Variants in KHNYN observed in about 807,000 individuals in gnomAD.
The protein encoded by KHNYN is KH and NYN domain containing, also known as protein KHNYN.
KHNYN carries 42 observed loss-of-function variants against 62.7 expected under a neutral mutation model. The observed-to-expected ratio is 0.67, with a 90% CI of 0.52 to 0.87. KHNYN has a LOEUF of 0.87. KHNYN is among the 40% of genes least tolerant of loss of function. The pLI is 0.00. For synonymous variants in KHNYN, 347 were observed against 345.6 expected, an observed-to-expected ratio of 1.00 and a Z score of -0.04; for missense variants, 829 against 874.1, an observed-to-expected ratio of 0.95 and a Z score of 0.65.
the KHNYN span, among the ~76,000 whole-genome samples, chr14:24,423,416 A>C: frequency 6.6e-6 from 1 of 151,620 alleles, no homozygotes; most frequent in Non-Finnish European, 1.5e-5. Flanking sequence ...AGCAGCCTTG[A>C]CAGGAGGAGG....
At chr14:24,429,857 CG>C, upstream of KHNYN, 1 of 1,012,786 alleles carries the variant, frequency 9.9e-7, no homozygotes, top group Non-Finnish European at 1.2e-6. Context: ...GCGGGCCCGT[CG>C]GGGCCTCTGG....
At position 24,431,888 on chromosome 14, in the gene KHNYN, G is replaced by A; in HGVS notation, c.627G>A (p.Trp209Ter). Residue 209 changes from tryptophan (W) to a stop codon, truncating the protein, a stop_gained, in exon 3 of 8, where the codon TGG becomes TGA. Transcript: ENST00000553935. LOFTEE classifies it high-confidence loss of function. The part of the protein sequence containing the change: ...SGQGPGALAS[W>*]EGRSSALLGA... ...AGGGGCCAGGAGCACTGGCTTCTTG[G>A]GAGGGGCGGAGCTCAGCCTTGCTGG... 1 of 1,614,070 alleles carries A rather than the reference G, an allele frequency of 6.2e-7. No homozygotes were observed. The highest frequency in any genetic ancestry group is 8.5e-7 in the Non-Finnish European group (1 of 1,180,034).
In KHNYN at chr14:24,437,947, G is replaced by A. The variant is rs1566503106; in HGVS notation, c.*662G>A. 1 of 152,484 alleles carries A rather than the reference G, an allele frequency of 6.6e-6. No homozygotes were observed. The highest frequency in any genetic ancestry group is 2.1e-4 in the South Asian group (1 of 4,830). 9.4% of individuals were successfully genotyped at this position (152,484 alleles called of 1,614,324 possible). A position where few individuals can be genotyped will look rare whatever the true frequency, so the allele number is the denominator to read the frequency against. On this transcript the variant is annotated 3_prime_UTR_variant, in exon 8 of 8. Transcript: ENST00000553935. This position sits in a 1 kb window ranked among gnomAD's most constrained non-coding sequence, Gnocchi z 5.5. ...GAGGAAAGCCTCTTGGAGGAAAGGT[G>A]CTTGGACCAAGTCTCAGGTGTGTCT...
In KHNYN at chr14:24,441,679, C is replaced by T. The variant is rs1372450040; in HGVS notation, c.*4394C>T. Reference sequence around the variant, plus strand: ...TGGTGATTTGGGGGGCGTACCTACACCTGTGACTAAGACCCAGGCCTTGGG... The same window carrying T: ...TGGTGATTTGGGGGGCGTACCTACATCTGTGACTAAGACCCAGGCCTTGGG... On this transcript the variant is annotated 3_prime_UTR_variant, in exon 8 of 8. Coordinates refer to ENST00000553935, the MANE Select transcript of KHNYN (RefSeq NM_015299.3). 6 of 1,583,564 alleles carry T rather than the reference C, an allele frequency of 3.8e-6. No individual in the cohort carries two copies. In the African/African-American group the frequency reaches 4.1e-5, roughly 11 times the overall value.
At chr14:24,431,024 G>A in intron 2 of KHNYN, 93 bp downstream of exon 2, 1 of 1,228,946 alleles carries the variant, frequency 8.1e-7, no homozygotes. Context: ...GGGAAGAGGA[G>A]GGGCCTGGGG....
chr14:24,436,771 G>A (rs1375536417), intron 7 of KHNYN, among the ~76,000 whole-genome samples: 1 of 152,212 alleles, frequency 6.6e-6, no homozygotes. Context: ...TATTCAGCAT[G>A]CCTTCTGCTG....
intron 5 of KHNYN, 82 bp downstream of exon 5, chr14:24,433,114 G>C: frequency 7.8e-7 from 1 of 1,280,260 alleles, no homozygotes; most frequent in Non-Finnish European, 1.1e-6. Context: ...GCTCCTGGTG[G>C]TTTACGCTGT....
chr14:24,430,695 C>G lies in KHNYN; in HGVS notation c.-17-19C>G. 6.5e-7 allele frequency: 1 copy of G among 1,549,632 alleles called. No individual in the cohort carries two copies. Among genetic ancestry groups the G allele is most frequent in the Non-Finnish European group, 8.7e-7 (1 of 1,146,164 alleles). ...ATGGAGGGTACAATGAGGCTCTGAG[C>G]TGCCTTCTCCCCTTCCAGGGCTGGG... On this transcript the variant is annotated intron_variant, in intron 1 of 7. Transcript: ENST00000553935.
chr14:24,440,337 G>C lies in KHNYN; in HGVS notation c.*3052G>C. On this transcript the variant is annotated 3_prime_UTR_variant, in exon 8 of 8. Coordinates refer to ENST00000553935, the MANE Select transcript of KHNYN (RefSeq NM_015299.3). ...ACTCCATTCAGGACCCCGTGCACGT[G>C]GTTTGCTTCAAGGGCATGGGTCAGG... The C allele has an allele frequency of 6.2e-7, 1 of 1,614,040 alleles. No individual in the cohort carries two copies. The highest frequency in any genetic ancestry group is 8.5e-7 in the Non-Finnish European group (1 of 1,179,900).
upstream of KHNYN, chr14:24,429,621 T>G: frequency 9.4e-7 from 1 of 1,061,186 alleles, no homozygotes. Context: ...CCGCCACGAT[T>G]GCTTTGGTGG....
At position 24,431,486 on chromosome 14, in the gene KHNYN, C is replaced by T; in HGVS notation, c.225C>T (p.Ser75=). The T allele has an allele frequency of 1.3e-6, 2 of 1,587,628 alleles. No homozygotes were observed. The highest frequency in any genetic ancestry group is 1.7e-6 in the Non-Finnish European group (2 of 1,161,144). ...AGGAGTACCTGAAGGGCCTCTGCAG[C>T]CCAGAACTGCAGGATGAAATCCACT... ...RAKEYLKGLC[S]PELQDEIHYP... Residue 75 remains serine, a synonymous_variant, in exon 3 of 8, where the codon AGC becomes AGT. Transcript: ENST00000553935.
intron 2 of KHNYN, 73 bp from the exon 3 acceptor site, chr14:24,431,390 C>T (rs760474526): frequency 1.3e-5 from 16 of 1,238,756 alleles, no homozygotes; most frequent in East Asian, 2.4e-5. Flanking sequence ...AGCTCAGGAG[C>T]GAGCAAGGAG....
chr14:24,431,522 A>C lies in KHNYN; in HGVS notation c.261A>C (p.Lys87Asn), dbSNP rs765594310. ...AGGATGAAATCCACTACCCGCCCAA[A>C]CTGCACTGCATCTTTCTGGGAGCCC... Reference protein sequence around the residue: ...ELQDEIHYPPKLHCIFLGAQG... With the variant: ...ELQDEIHYPPNLHCIFLGAQG... Residue 87 changes from lysine to asparagine, a missense_variant, in exon 3 of 8, where the codon AAA becomes AAC. Lys to Asn is a moderately conservative substitution (Grantham distance 94, BLOSUM62 0). Around this residue, in one of 2 missense-constraint regions of KHNYN, gnomAD observed 559 missense variants for 527.0 expected, o/e 1.06. Transcript: ENST00000553935. 3 of 1,607,068 alleles carry C rather than the reference A, an allele frequency of 1.9e-6. No individual in the cohort carries two copies. Among genetic ancestry groups the C allele is most frequent in the Non-Finnish European group, 2.6e-6 (3 of 1,174,398 alleles).
In KHNYN at chr14:24,430,827, C is replaced by T; in HGVS notation, c.97C>T (p.Arg33Cys). The change falls in exon 2 of 8, where the codon CGC (arginine) becomes TGC (cysteine). Residue 33 changes from arginine (R) to cysteine (C), a missense_variant. By Grantham distance (180) the Arg-to-Cys change is radical. Around this residue, in one of 2 missense-constraint regions of KHNYN, gnomAD observed 559 missense variants for 527.0 expected, o/e 1.06. Coordinates refer to ENST00000553935, the MANE Select transcript of KHNYN (RefSeq NM_015299.3). ...TCGGGAACAGCAGCCCCATGTGGAGCGCATCTTCAGCGTGGGGGTGAGCGT... is the reference window on the plus strand; with the variant it reads ...TCGGGAACAGCAGCCCCATGTGGAGTGCATCTTCAGCGTGGGGGTGAGCGT... ...KVREQQPHVERIFSVGVSVLP... is the reference protein window; with the variant it reads ...KVREQQPHVECIFSVGVSVLP... 1 of 1,613,000 alleles carries T rather than the reference C, an allele frequency of 6.2e-7. No individual in the cohort carries two copies. Among genetic ancestry groups the T allele is most frequent in the Non-Finnish European group, 8.5e-7 (1 of 1,179,548 alleles).
upstream of KHNYN, chr14:24,428,315 C>G: frequency 6.2e-7 from 1 of 1,613,936 alleles, no homozygotes. Context: ...TACACCTTCA[C>G]CACATGGAAC....
chr14:24,431,848 A>G lies in KHNYN; in HGVS notation c.587A>G (p.Glu196Gly). ...GAGGAGCTGCTGAGTCTGGTGCAGG[A>G]GGCGTCTAGTGGGCAGGGGCCAGGA... The part of the protein sequence containing the change: ...VQEELLSLVQ[E>G]ASSGQGPGAL... Residue 196 changes from glutamate to glycine, a missense_variant, in exon 3 of 8, where the codon GAG becomes GGG. Physicochemically the swap from Glu to Gly is moderately conservative, Grantham distance 98. This residue lies in a region of KHNYN where 559 missense variants were observed against 527.0 expected (regional missense o/e 1.06). Transcript: ENST00000553935. 6.2e-7 allele frequency: 1 copy of G among 1,613,992 alleles called. No individual in the cohort carries two copies. The highest frequency in any genetic ancestry group is 8.5e-7 in the Non-Finnish European group (1 of 1,180,026).
In KHNYN at chr14:24,439,189, T is replaced by A. The variant is rs3814810; in HGVS notation, c.*1904T>A. 1 of 152,066 alleles carries A rather than the reference T, an allele frequency of 6.6e-6. No homozygotes were observed. Among genetic ancestry groups the A allele is most frequent in the Non-Finnish European group, 1.5e-5 (1 of 68,010 alleles). 9.4% of individuals were successfully genotyped at this position (152,066 alleles called of 1,614,324 possible). On this transcript the variant is annotated 3_prime_UTR_variant, in exon 8 of 8. Transcript: ENST00000553935. ...GTCCTAGATGAAAACCTTGGAGTTTTTTTTTTTCCTGATAGGGTTGTTTAT... is the reference window on the plus strand; with the variant it reads ...GTCCTAGATGAAAACCTTGGAGTTTATTTTTTTCCTGATAGGGTTGTTTAT...
At chr14:24,428,937 G>A (rs1156684712), upstream of KHNYN, 2 of 1,555,986 alleles carry the variant, frequency 1.3e-6, no homozygotes, top group Admixed American at 1.9e-5. Context: ...CCCTCCAGCA[G>A]GACGGGCTCT....
chr14:24,433,048 C>T lies in KHNYN; in HGVS notation c.1577+16C>T. The T allele has an allele frequency of 6.2e-7, 1 of 1,605,892 alleles. No homozygotes were observed. ...ATGATGACAGGTACTTGCTCCTCTC[C>T]TGGCCCCAGGCTTGATATTGAAGGA... On this transcript the variant is annotated intron_variant, in intron 5 of 7. Transcript: ENST00000553935.
Sources: allele counts gnomAD v4.1 joint callset (sites outside exome capture counted in the v4.1 genomes callset), GRCh38; gene constraint gnomAD v4.1.1; regional missense constraint gnomAD v4.1.1; non-coding constraint Gnocchi (gnomAD v3.1); transcripts MANE v1.5; gene names NCBI Gene and HGNC (gene_info 2026-07-23, HGNC 2026-07-21).